PALM2AKAP2: variants seen among roughly 807,000 people sequenced by gnomAD.
PALM2AKAP2 encodes PALM2-AKAP2 fusion protein.
In PALM2AKAP2, 37 loss-of-function variants were observed where a neutral mutation model predicts 71.5. The observed-to-expected ratio is 0.52, with a 90% CI of 0.40 to 0.68. The LOEUF is 0.68. PALM2AKAP2 is among the 30% of genes least tolerant of loss of function. The pLI, the probability that PALM2AKAP2 is intolerant of heterozygous loss-of-function variation, is 0.00. For missense variants in PALM2AKAP2, 1,224 were observed against 1,191.8 expected, an observed-to-expected ratio of 1.03 and a Z score of -0.40; for synonymous variants, 468 against 478.8, an observed-to-expected ratio of 0.98 and a Z score of 0.29.
intron 1 of PALM2AKAP2, among the ~76,000 whole-genome samples, chr9:109,643,733 A>G (rs1039090398): frequency 6.6e-6 from 1 of 152,084 alleles, no homozygotes; most frequent in Non-Finnish European, 1.5e-5. Flanking sequence ...AACCTTCCCA[A>G]TTTCCAACTC....
At chr9:109,884,949 G>C (rs1163027766) in intron 3 of PALM2AKAP2, among the ~76,000 whole-genome samples, 1 of 152,158 alleles carries the variant, frequency 6.6e-6, no homozygotes, top group Non-Finnish European at 1.5e-5. Flanking sequence ...AAGGATAATG[G>C]TATCATAACT....
At chr9:110,101,585 G>A (rs542812129) in intron 1 of PALM2AKAP2, among the ~76,000 whole-genome samples, 1 of 152,262 alleles carries the variant, frequency 6.6e-6, no homozygotes, top group Non-Finnish European at 1.5e-5. Flanking sequence ...CCCAGGCCAA[G>A]GCAGACAAAG....
chr9:109,899,951 C>T (rs2131846020), intron 3 of PALM2AKAP2, among the ~76,000 whole-genome samples: 1 of 152,302 alleles, frequency 6.6e-6, no homozygotes, highest in Admixed American at 6.5e-5. Context: ...CTCCTCTAGC[C>T]TCAGCTGCCT....
At chr9:109,979,657 A>C (rs1832234294) in intron 6 of PALM2AKAP2, among the ~76,000 whole-genome samples, 1 of 152,218 alleles carries the variant, frequency 6.6e-6, no homozygotes, top group Non-Finnish European at 1.5e-5. Flanking sequence ...GGTATTCAAC[A>C]AATGACTGAT....
At chr9:109,943,648 C>A (rs370608439) in intron 6 of PALM2AKAP2, 37 of 566,556 alleles carry the variant, frequency 6.5e-5, no homozygotes, top group African/African-American at 5.6e-4. Context: ...TTCCTCTAAA[C>A]CTTTCCTTGT....
chr9:110,031,410 G>T (rs1001032670), intron 7 of PALM2AKAP2, among the ~76,000 whole-genome samples: 1 of 152,206 alleles, frequency 6.6e-6, no homozygotes, highest in African/African-American at 2.4e-5. Context: ...GATTACAGGT[G>T]TGAGCCACTG....
intron 1 of PALM2AKAP2, among the ~76,000 whole-genome samples, chr9:109,826,553 A>C (rs1211937186): frequency 1.3e-5 from 2 of 152,210 alleles, no homozygotes; most frequent in Non-Finnish European, 1.5e-5. Context: ...ATTATGTATA[A>C]TTATACTGTA....
At position 109,887,678 on chromosome 9, in the gene PALM2AKAP2, A is replaced by G. The variant is rs542289794; in HGVS notation, c.257+6997A>G. 5.3e-4 allele frequency among the ~76,000 whole-genome samples: 41 copies of G among 76,890 alleles called. 1 individual carries two copies. In the South Asian group the frequency reaches 0.015, roughly 29 times the overall value. 50.4% of individuals were successfully genotyped at this position (76,890 alleles called of 152,430 possible). A position where few individuals can be genotyped will look rare whatever the true frequency, so the allele number is the denominator to read the frequency against. Reference sequence around the variant, plus strand: ...GAAGAGAAGCACAGGAGGTGAAGTAACTTGCTGCCCCCCCCTAAAAAAATT... The same window carrying G: ...GAAGAGAAGCACAGGAGGTGAAGTAGCTTGCTGCCCCCCCCTAAAAAAATT... On this transcript the variant is annotated intron_variant, in intron 3 of 9. Transcript: ENST00000302798.
intron 2 of PALM2AKAP2, among the ~76,000 whole-genome samples, chr9:109,868,508 T>C (rs1180816757): frequency 2.6e-5 from 4 of 152,168 alleles, no homozygotes; most frequent in Non-Finnish European, 5.9e-5. Flanking sequence ...GTGCTGACTT[T>C]CGGGGTGATG....
rs554080946 is a variant in PALM2AKAP2, at chr9:109,785,683, A to G, written c.45+5150A>G. 4.7e-4 allele frequency among the ~76,000 whole-genome samples: 71 copies of G among 152,296 alleles called. 1 individual carries two copies. The highest frequency in any genetic ancestry group is 3.7e-3 in the Admixed American group (56 of 15,302). On this transcript the variant is annotated intron_variant, in intron 1 of 9. Transcript: ENST00000302798. The stretch of plus-strand genomic sequence containing the variant: ...TCAGATCTCGTGAGACTGATTCACT[A>G]TCACAAGAACAGCATGGGAAAGACA...
At chr9:109,882,837 AAG>A (rs1829884387) in intron 3 of PALM2AKAP2, among the ~76,000 whole-genome samples, 1 of 151,860 alleles carries the variant, frequency 6.6e-6, no homozygotes, top group Non-Finnish European at 1.5e-5. Flanking sequence ...TTGGTAGAGA[AAG>A]AGTCTCACTA....
intron 1 of PALM2AKAP2, among the ~76,000 whole-genome samples, chr9:110,077,300 A>C (rs1462359891): frequency 6.6e-6 from 1 of 152,224 alleles, no homozygotes; most frequent in Non-Finnish European, 1.5e-5. Context: ...GGAAGCCTTT[A>C]GCATGTTACT....
At chr9:110,001,352 T>C (rs1832677430) in intron 6 of PALM2AKAP2, among the ~76,000 whole-genome samples, 1 of 152,350 alleles carries the variant, frequency 6.6e-6, no homozygotes, top group Middle Eastern at 3.4e-3. Context: ...CTGAGGGCTC[T>C]GTTCTGTTCC....
chr9:109,945,260 C>T (rs1475221974), intron 6 of PALM2AKAP2: 2 of 151,680 alleles, frequency 1.3e-5, no homozygotes, highest in African/African-American at 4.8e-5. Flanking sequence ...ATCTTGTTTA[C>T]ACCTATACAT....
chr9:109,752,644 C>T (rs1433069951), intron 1 of PALM2AKAP2, among the ~76,000 whole-genome samples: 1 of 152,020 alleles, frequency 6.6e-6, no homozygotes, highest in East Asian at 1.9e-4. Flanking sequence ...CTGGAAGCAG[C>T]CATCATATTA....
chr9:109,920,058 C>T (rs1830791265), intron 3 of PALM2AKAP2, among the ~76,000 whole-genome samples: 1 of 152,204 alleles, frequency 6.6e-6, no homozygotes, highest in Non-Finnish European at 1.5e-5. Context: ...TGTGTTCTTT[C>T]TGTGGTCCAG....
At chr9:110,088,015 G>A (rs1306984439) in intron 1 of PALM2AKAP2, among the ~76,000 whole-genome samples, 1 of 152,210 alleles carries the variant, frequency 6.6e-6, no homozygotes, top group Admixed American at 6.5e-5. Flanking sequence ...ATTGTTATCA[G>A]TGGAGGGTGT....
chr9:110,107,564 C>G (rs1047143903), intron 1 of PALM2AKAP2, among the ~76,000 whole-genome samples: 6 of 152,216 alleles, frequency 3.9e-5, no homozygotes, highest in East Asian at 1.9e-4. Flanking sequence ...AGGAGAACCT[C>G]TAATTTTTTT....
At chr9:109,770,901 A>G (rs1237393634) in intron 1 of PALM2AKAP2, among the ~76,000 whole-genome samples, 1 of 152,260 alleles carries the variant, frequency 6.6e-6, no homozygotes, top group Non-Finnish European at 1.5e-5. Flanking sequence ...TGTTTGTCAC[A>G]ATAATCTTAT....
Sources: allele counts gnomAD v4.1 joint callset (sites outside exome capture counted in the v4.1 genomes callset), GRCh38; gene constraint gnomAD v4.1.1; transcripts MANE v1.5; gene names NCBI Gene and HGNC (gene_info 2026-07-23, HGNC 2026-07-21).